DPH5: variants seen among roughly 807,000 people sequenced by gnomAD.
DPH5 encodes the protein diphthine methyl ester synthase.
DPH5 carries 31 observed loss-of-function variants against 31.6 expected under a neutral mutation model. The ratio of observed to expected loss-of-function variants is 0.98; its 90% CI spans 0.74 to 1.32. DPH5 has a LOEUF of 1.32. Ranked by LOEUF, DPH5 falls within the 40% of genes most tolerant of loss-of-function variation. The pLI, the probability that DPH5 is intolerant of heterozygous loss-of-function variation, is 0.00. For missense variants in DPH5, 309 were observed against 335.7 expected (o/e 0.92, Z 0.62); for synonymous variants, 120 against 115.0 (o/e 1.04, Z -0.28).
At chr1:101,000,119 C>G (rs1285896413) in intron 5 of DPH5, among the ~76,000 whole-genome samples, 1 of 151,974 alleles carries the variant, frequency 6.6e-6, no homozygotes, top group Non-Finnish European at 1.5e-5. Context: ...TGCACTCCAG[C>G]CTGGGCAACA....
At chr1:101,012,262 T>C (rs1230178266) in intron 4 of DPH5, among the ~76,000 whole-genome samples, 1 of 152,178 alleles carries the variant, frequency 6.6e-6, no homozygotes, top group East Asian at 1.9e-4. Flanking sequence ...CCTTATTTTG[T>C]TGTTGTTTTT....
chr1:101,013,666 C>A (rs761383304), intron 4 of DPH5, 44 bp downstream of exon 4: 5 of 1,266,642 alleles, frequency 3.9e-6, no homozygotes, highest in South Asian at 1.4e-5. Flanking sequence ...AAAAATAAAA[C>A]ATTTTTATTT....
At chr1:101,021,836 A>ACACACAC in intron 2 of DPH5, 71 bp from the exon 3 acceptor site, 1 of 1,329,412 alleles carries the variant, frequency 7.5e-7, no homozygotes, top group Non-Finnish European at 1.0e-6. Flanking sequence ...ACACACACAC[A>ACACACAC]CACACACACA....
rs1365424379 is a variant in DPH5 at position 100,990,354 on chromosome 1, A to G, written c.*54T>C. Reference sequence around the variant, plus strand: ...ACTTGGGTGGGGATACATCCAAACCATATCAATCCATATATGGCTGAAATT... The same window carrying G: ...ACTTGGGTGGGGATACATCCAAACCGTATCAATCCATATATGGCTGAAATT... On this transcript the variant is annotated 3_prime_UTR_variant, in exon 8 of 8. Transcript: ENST00000370109. The G allele has an allele frequency of 6.5e-6, 10 of 1,534,456 alleles. No homozygotes were observed. The highest frequency in any genetic ancestry group is 4.5e-5 in the East Asian group (2 of 44,458).
chr1:100,997,499 G>T (rs1285673487), intron 5 of DPH5, among the ~76,000 whole-genome samples: 1 of 151,564 alleles, frequency 6.6e-6, no homozygotes, highest in Non-Finnish European at 1.5e-5. Context: ...CCGAGTAGCT[G>T]AGATTACAGG....
intron 3 of DPH5, among the ~76,000 whole-genome samples, chr1:101,014,408 T>C (rs1195268386): frequency 2.6e-5 from 4 of 152,238 alleles, no homozygotes; most frequent in South Asian, 2.1e-4. Context: ...GTTATGTTTA[T>C]ACTATACTGT....
At chr1:101,001,376 G>C (rs1658853563) in intron 5 of DPH5, 91 bp downstream of exon 5, 14 of 1,324,394 alleles carry the variant, frequency 1.1e-5, no homozygotes, top group African/African-American at 1.5e-5. Flanking sequence ...CTTACCTCTA[G>C]CTAATTATCC....
At chr1:100,998,965 T>C (rs761586543) in intron 5 of DPH5, among the ~76,000 whole-genome samples, 3 of 152,188 alleles carry the variant, frequency 2.0e-5, no homozygotes, top group Admixed American at 1.3e-4. Context: ...TCATCACTGC[T>C]GTTGTGGCAT....
chr1:101,006,932 A>T (rs1659272674), intron 4 of DPH5, among the ~76,000 whole-genome samples: 1 of 152,242 alleles, frequency 6.6e-6, no homozygotes, highest in Admixed American at 6.5e-5. Flanking sequence ...ACAACTGATA[A>T]TGCAGTTTTT....
At chr1:101,001,640 A>G (rs1658876054) in intron 4 of DPH5, 53 bp from the exon 5 acceptor site, 3 of 1,324,780 alleles carry the variant, frequency 2.3e-6, no homozygotes, top group Admixed American at 2.1e-5. Flanking sequence ...TATTTCATAG[A>G]TAAGGAGAGA....
intron 3 of DPH5, among the ~76,000 whole-genome samples, chr1:101,019,805 A>C (rs994350934): frequency 6.6e-6 from 1 of 152,130 alleles, no homozygotes; most frequent in African/African-American, 2.4e-5. Flanking sequence ...TCACTAAGAA[A>C]GGGCAAATTA....
chr1:101,013,817 C>T lies in DPH5; in HGVS notation c.262G>A (p.Ala88Thr), dbSNP rs1375941037. 1 of 1,605,196 alleles carries T rather than the reference C, an allele frequency of 6.2e-7. No homozygotes were observed. ...AGAACAAGATCACTGTGTGTTGTGG[C>T]CCTGTAGTGAGAAAAGATTAGATTG... ...AFLVVGDPFG[A>T]TTHSDLVLRA... is the part of the protein sequence containing the mutation. The change falls in exon 4 of 8, where the codon GCC (alanine) becomes ACC (threonine). Residue 88 changes from alanine to threonine, a missense_variant and splice_region_variant. Transcript: ENST00000370109.
intron 2 of DPH5, 52 bp from the exon 3 acceptor site, chr1:101,021,817 AACAC>A (rs67726104): frequency 0.023 from 16,630 of 735,868 alleles, 117 homozygotes; most frequent in African/African-American, 0.056. Context: ...TGACCATTCT[AACAC>A]ACACACACAC....
intron 3 of DPH5, among the ~76,000 whole-genome samples, chr1:101,017,678 GATAAAGGGCTTT>G (rs1329501744): frequency 5.9e-5 from 9 of 152,186 alleles, no homozygotes; most frequent in African/African-American, 2.2e-4. Flanking sequence ...CAAGTAGGAA[GATAAAGGGCTTT>G]CACCCCATGG....
chr1:100,996,128 A>G (rs1294855906), intron 5 of DPH5: 3 of 152,202 alleles, frequency 2.0e-5, no homozygotes, highest in Non-Finnish European at 2.9e-5. Flanking sequence ...TTTATTTAAT[A>G]TTTCTACTTG....
chr1:101,013,694 T>C lies in DPH5; in HGVS notation c.369+16A>G. On this transcript the variant is annotated intron_variant, in intron 4 of 7. Coordinates refer to ENST00000370109, the MANE Select transcript of DPH5 (RefSeq NM_015958.3). ...TTTTATTTAATTCCACTGAAAAACC[T>C]CCTTTGTTGCATTACCTGTAAACCA... 1.3e-6 allele frequency: 2 copies of C among 1,499,080 alleles called. No individual in the cohort carries two copies. Among genetic ancestry groups the C allele is most frequent in the Middle Eastern group, 1.8e-4 (1 of 5,686 alleles). 92.9% of individuals were successfully genotyped at this position (1,499,080 alleles called of 1,614,324 possible).
intron 2 of DPH5, chr1:101,023,009 C>T (rs1211082961): frequency 1.3e-5 from 2 of 151,810 alleles, no homozygotes; most frequent in Non-Finnish European, 2.9e-5. Flanking sequence ...GCCTGGCCAA[C>T]ATGGTGAAAT....
intron 5 of DPH5, chr1:100,995,956 T>C (rs1460111865): frequency 4.6e-5 from 7 of 152,232 alleles, no homozygotes; most frequent in Non-Finnish European, 1.0e-4. Flanking sequence ...GAGGAGTCTT[T>C]AATAGACTTA....
chr1:101,003,765 G>C (rs1659035349), intron 4 of DPH5, among the ~76,000 whole-genome samples: 1 of 152,116 alleles, frequency 6.6e-6, no homozygotes, highest in Non-Finnish European at 1.5e-5. Flanking sequence ...ATTGGAGTAA[G>C]CTCAAAAATA....
Sources: gnomAD v4.1 joint callset for allele counts (sites outside exome capture counted in the v4.1 genomes callset) on GRCh38, gnomAD v4.1.1 for gene constraint, MANE v1.5 for transcripts, NCBI Gene and HGNC (gene_info 2026-07-23, HGNC 2026-07-21) for gene names.